The following ATP2B2 variants were observed in gnomAD, a reference collection of about 807,000 sequenced individuals.
ATP2B2 encodes the protein ATPase plasma membrane Ca2+ transporting 2.
Under a neutral mutation model 120.0 loss-of-function variants are expected in ATP2B2, and 15 were observed. The ratio of observed to expected loss-of-function variants is 0.12; its 90% CI spans 0.08 to 0.19. The LOEUF (loss-of-function observed/expected upper bound fraction) is 0.19. Among genes scored for constraint, ATP2B2 ranks in the 10% least tolerant of loss-of-function variants. The probability of loss-of-function intolerance (pLI) is 1.00; values close to 1 mark genes in which losing one functional copy is unlikely to be tolerated. For missense variants in ATP2B2, 1,045 were observed against 1,719.8 expected, an observed-to-expected ratio of 0.61 and a Z score of 6.94; for synonymous variants, 694 against 700.3, an observed-to-expected ratio of 0.99 and a Z score of 0.14.
chr3:10,413,861 T>G (rs1390852816), intron 2 of ATP2B2, among the ~76,000 whole-genome samples: 1 of 152,192 alleles, frequency 6.6e-6, no homozygotes, highest in Non-Finnish European at 1.5e-5. Flanking sequence ...TTCCTGGGAA[T>G]GAGTTTTGAC....
intron 3 of ATP2B2, among the ~76,000 whole-genome samples, chr3:10,404,694 C>T (rs140080867): frequency 1.2e-4 from 18 of 152,180 alleles, no homozygotes; most frequent in South Asian, 4.2e-4. Flanking sequence ...CATATGATGA[C>T]GGGAGGAGAG....
intron 22 of ATP2B2, chr3:10,332,258 G>A (rs1381582150): frequency 1.8e-6 from 1 of 551,336 alleles, no homozygotes; most frequent in Non-Finnish European, 3.3e-6. Context: ...TGCAGGGGAA[G>A]TGGGAGCAGG....
chr3:10,691,976 A>AG (rs1318806121), intron 1 of ATP2B2, among the ~76,000 whole-genome samples: 2 of 152,234 alleles, frequency 1.3e-5, no homozygotes, highest in Admixed American at 1.3e-4. Flanking sequence ...AGAAAACTAA[A>AG]GCCCAGAGAG....
At chr3:10,416,023 C>T (rs1451993682) in intron 2 of ATP2B2, among the ~76,000 whole-genome samples, 2 of 152,208 alleles carry the variant, frequency 1.3e-5, no homozygotes, top group Non-Finnish European at 2.9e-5. Context: ...ACAAAATAAC[C>T]TCTAGGCTGG....
intron 1 of ATP2B2, among the ~76,000 whole-genome samples, chr3:10,695,996 C>A (rs1188500147): frequency 6.6e-6 from 1 of 152,156 alleles, no homozygotes; most frequent in Non-Finnish European, 1.5e-5. Context: ...AATCCCAGCC[C>A]CCAGCCACCC....
intron 10 of ATP2B2, 136 bp downstream of exon 10, chr3:10,378,116 A>T: frequency 8.3e-7 from 1 of 1,206,396 alleles, no homozygotes; most frequent in Non-Finnish European, 1.1e-6. Context: ...GTGCTGTGGT[A>T]GAGAAAGGTG....
intron 2 of ATP2B2, among the ~76,000 whole-genome samples, chr3:10,606,580 A>AAC (rs1207803553): frequency 6.6e-6 from 1 of 152,078 alleles, no homozygotes; most frequent in Non-Finnish European, 1.5e-5. Context: ...TTAACTCTGG[A>AAC]AGTCAGTCTG....
intron 18 of ATP2B2, among the ~76,000 whole-genome samples, chr3:10,344,540 T>C (rs370797609): frequency 2.8e-4 from 43 of 152,320 alleles, no homozygotes; most frequent in African/African-American, 1.0e-3. Context: ...GGGGCTCCTG[T>C]GGGCATGGGC....
chr3:10,471,203 C>T (rs1228375010), intron 1 of ATP2B2, among the ~76,000 whole-genome samples: 1 of 152,188 alleles, frequency 6.6e-6, no homozygotes, highest in African/African-American at 2.4e-5. Flanking sequence ...GTCTCCAGCG[C>T]GCGGCTGTGA....
chr3:10,604,018 T>C (rs12630695), intron 2 of ATP2B2, among the ~76,000 whole-genome samples: 25,900 of 151,960 alleles, frequency 0.17, 2,531 homozygotes, highest in East Asian at 0.4. Flanking sequence ...AAACTTAACA[T>C]GGTCCAAGCT....
At chr3:10,333,934 A>G (rs2060048774) in intron 22 of ATP2B2, among the ~76,000 whole-genome samples, 1 of 152,246 alleles carries the variant, frequency 6.6e-6, no homozygotes, top group African/African-American at 2.4e-5. Context: ...GAAGGAGGTC[A>G]GTGTAGACAC....
intron 2 of ATP2B2, among the ~76,000 whole-genome samples, chr3:10,432,579 C>A (rs1164468342): frequency 6.6e-6 from 1 of 152,268 alleles, no homozygotes; most frequent in African/African-American, 2.4e-5. Context: ...TTGCTCAACA[C>A]TTTCCCCTCG....
chr3:10,576,810 A>G (rs2068259283), intron 2 of ATP2B2, among the ~76,000 whole-genome samples: 1 of 152,060 alleles, frequency 6.6e-6, no homozygotes, highest in Non-Finnish European at 1.5e-5. Flanking sequence ...CACGTCTGTA[A>G]TCCCAGCACT....
At chr3:10,649,675 GGC>G (rs2070403497) in intron 1 of ATP2B2, among the ~76,000 whole-genome samples, 1 of 152,174 alleles carries the variant, frequency 6.6e-6, no homozygotes, top group Non-Finnish European at 1.5e-5. Flanking sequence ...GATATGGTTT[GGC>G]TGTGTTCCCA....
chr3:10,515,934 G>C (rs899577496), intron 3 of ATP2B2, among the ~76,000 whole-genome samples: 2 of 152,146 alleles, frequency 1.3e-5, no homozygotes, highest in Non-Finnish European at 2.9e-5. Context: ...TCTCCATCTT[G>C]TGTGGCATGG....
chr3:10,655,088 A>T (rs1359296503), intron 1 of ATP2B2, among the ~76,000 whole-genome samples: 1 of 152,224 alleles, frequency 6.6e-6, no homozygotes, highest in Non-Finnish European at 1.5e-5. Flanking sequence ...ATAAAAGCAC[A>T]TATGCCTGGC....
At chr3:10,430,071 T>C (rs950762283) in intron 2 of ATP2B2, among the ~76,000 whole-genome samples, 1 of 152,338 alleles carries the variant, frequency 6.6e-6, no homozygotes. Flanking sequence ...TTCTGTAGCA[T>C]GAAAGTGCCA....
intron 7 of ATP2B2, 71 bp from the exon 8 acceptor site, chr3:10,385,398 A>G (rs2061646915): frequency 7.3e-7 from 1 of 1,374,970 alleles, no homozygotes; most frequent in East Asian, 2.3e-5. Context: ...AAAGACATGA[A>G]CCAACTTGTG....
chr3:10,338,525 T>A (rs28131), intron 21 of ATP2B2, among the ~76,000 whole-genome samples, 167 bp from the exon 22 acceptor site: 2 of 119,784 alleles, frequency 1.7e-5, no homozygotes, highest in Non-Finnish European at 3.2e-5. Flanking sequence ...TTTGACAATG[T>A]CTTTTTTTTT....
Sources: allele counts gnomAD v4.1 joint callset (sites outside exome capture counted in the v4.1 genomes callset), GRCh38; gene constraint gnomAD v4.1.1; transcripts MANE v1.5; gene names NCBI Gene and HGNC (gene_info 2026-07-23, HGNC 2026-07-21).